Variants in SLCO6A1 observed in about 807,000 individuals in gnomAD.
The protein encoded by SLCO6A1 is cancer/testis antigen 48.
Under a neutral mutation model 72.7 loss-of-function variants are expected in SLCO6A1, and 65 were observed. The ratio of observed to expected loss-of-function variants is 0.89; its 90% CI spans 0.73 to 1.10. The LOEUF is 1.10. Among genes scored for constraint, SLCO6A1 ranks in the 50% least tolerant of loss-of-function variants. The probability of loss-of-function intolerance (pLI) is 0.00; values close to 1 mark genes in which losing one functional copy is unlikely to be tolerated. For synonymous variants in SLCO6A1, 314 were observed against 298.2 expected, an observed-to-expected ratio of 1.05 and a Z score of -0.55; for missense variants, 874 against 872.6, an observed-to-expected ratio of 1.00 and a Z score of -0.02.
chr5:102,450,771 G>C (rs1254224967), intron 6 of SLCO6A1, among the ~76,000 whole-genome samples: 3 of 152,234 alleles, frequency 2.0e-5, no homozygotes, highest in Non-Finnish European at 4.4e-5. Context: ...AAGCACCTGT[G>C]TTGCAGGCCC....
Position 102,498,590 on chromosome 5 carries a change from C to A in SLCO6A1, c.255G>T (p.Leu85Phe), listed in dbSNP as rs750888384. The A allele has an allele frequency of 6.2e-7, 1 of 1,614,146 alleles. No homozygotes were observed. The highest frequency in any genetic ancestry group is 1.7e-5 in the Admixed American group (1 of 60,010). The change falls in exon 1 of 14, where the codon TTG becomes TTT. Residue 85 changes from leucine (L) to phenylalanine (F), a missense_variant. Physicochemically the swap from Leu to Phe is conservative, Grantham distance 22. Transcript: ENST00000506729. The stretch of plus-strand genomic sequence containing the variant: ...AGCAGCCCAAACCACAGGGCTGCTC[C>A]AAACTGTCATCCACTTCTCCCGGCT... ...SKKPGEVDDS[L>F]EQPCGLGCLV...
chr5:102,491,157 C>T (rs759990805), intron 1 of SLCO6A1, among the ~76,000 whole-genome samples: 38 of 152,164 alleles, frequency 2.5e-4, no homozygotes, highest in Admixed American at 1.0e-3. Flanking sequence ...TAGCTAAATA[C>T]AGAGTGTCCA....
At chr5:102,379,146 T>C (rs1400765228) in intron 12 of SLCO6A1, among the ~76,000 whole-genome samples, 1 of 152,170 alleles carries the variant, frequency 6.6e-6, no homozygotes, top group Admixed American at 6.5e-5. Flanking sequence ...TTTTATCCAC[T>C]TTTTTGTAAG....
At chr5:102,461,403 G>T (rs1751031621) in intron 4 of SLCO6A1, among the ~76,000 whole-genome samples, 1 of 152,016 alleles carries the variant, frequency 6.6e-6, no homozygotes, top group African/African-American at 2.4e-5. Flanking sequence ...AAAATGCTTT[G>T]ATTAAAACCT....
intron 12 of SLCO6A1, among the ~76,000 whole-genome samples, chr5:102,379,773 C>CAAAA (rs10672287): frequency 0.013 from 1,799 of 140,980 alleles, 12 homozygotes; most frequent in South Asian, 0.02. Flanking sequence ...TTGTCAATTT[C>CAAAA]AAAAAAAAAA....
At chr5:102,378,468 C>T (rs902100971) in intron 12 of SLCO6A1, among the ~76,000 whole-genome samples, 1 of 152,100 alleles carries the variant, frequency 6.6e-6, no homozygotes, top group South Asian at 2.1e-4. Context: ...AACAGTGTGA[C>T]CATCACTTGA....
At chr5:102,434,957 A>G (rs765957902) in intron 7 of SLCO6A1, among the ~76,000 whole-genome samples, 2 of 152,222 alleles carry the variant, frequency 1.3e-5, no homozygotes, top group Non-Finnish European at 2.9e-5. Flanking sequence ...TCAGAATTTT[A>G]GTTCATTTTC....
chr5:102,372,071 T>A lies in SLCO6A1; in HGVS notation c.*68A>T, dbSNP rs1183808090. Reference sequence around the variant, plus strand: ...GGGCACAGAAACAAATCTTGGAGAATCTGTAAAAGAGAAACTCGTTTTCAC... The same window carrying A: ...GGGCACAGAAACAAATCTTGGAGAAACTGTAAAAGAGAAACTCGTTTTCAC... On this transcript the variant is annotated 3_prime_UTR_variant, in exon 14 of 14. Transcript: ENST00000506729. The A allele has an allele frequency of 1.3e-5, 2 of 152,032 alleles. No homozygotes were observed. The highest frequency in any genetic ancestry group is 2.9e-5 in the Non-Finnish European group (2 of 67,916). The allele number at this position is 152,032 out of a possible 1,614,324, so 9.4% of individuals were successfully genotyped here.
chr5:102,472,555 C>T (rs1011191600), intron 4 of SLCO6A1, among the ~76,000 whole-genome samples: 3 of 151,742 alleles, frequency 2.0e-5, no homozygotes, highest in Non-Finnish European at 4.4e-5. Flanking sequence ...GTACTAGTTC[C>T]CAATATATAA....
intron 12 of SLCO6A1, among the ~76,000 whole-genome samples, chr5:102,382,981 G>T (rs529199823): frequency 2.1e-4 from 30 of 143,178 alleles, no homozygotes; most frequent in East Asian, 5.9e-4. Flanking sequence ...ATATATGAGA[G>T]ATATATATAT....
chr5:102,421,592 C>T (rs1748609284), intron 7 of SLCO6A1, among the ~76,000 whole-genome samples: 1 of 152,128 alleles, frequency 6.6e-6, no homozygotes. Context: ...CTGGGCAGGG[C>T]ATCCTTGAAA....
At position 102,461,019 on chromosome 5, in the gene SLCO6A1, T is replaced by C. The variant is rs542042238; in HGVS notation, c.900-1242A>G. On this transcript the variant is annotated intron_variant, in intron 4 of 13. Coordinates refer to ENST00000506729, the MANE Select transcript of SLCO6A1 (RefSeq NM_173488.5). ...GTCACTAGGGCTGCATGTTTCCTCATTGATTATAATAGTCAGGAGTTTTTT... is the reference window on the plus strand; with the variant it reads ...GTCACTAGGGCTGCATGTTTCCTCACTGATTATAATAGTCAGGAGTTTTTT... 1.6e-4 allele frequency among the ~76,000 whole-genome samples: 23 copies of C among 145,176 alleles called. No individual in the cohort carries two copies. In the East Asian group the frequency reaches 3.3e-3, roughly 21 times the overall value.
chr5:102,472,476 T>C (rs1220051742), intron 4 of SLCO6A1, among the ~76,000 whole-genome samples: 2 of 152,094 alleles, frequency 1.3e-5, no homozygotes, highest in African/African-American at 2.4e-5. Context: ...AAGTGGTAGG[T>C]ATAGCTCCTT....
intron 4 of SLCO6A1, among the ~76,000 whole-genome samples, chr5:102,471,539 C>T (rs866070256): frequency 6.6e-6 from 1 of 152,038 alleles, no homozygotes; most frequent in Middle Eastern, 3.2e-3. Flanking sequence ...ACCCATACAG[C>T]CCAGAATTCT....
In SLCO6A1 at chr5:102,498,300, G is replaced by C. The variant is rs558768024; in HGVS notation, c.358+187C>G. Among the ~76,000 whole-genome samples, 17 of 152,312 alleles carry C rather than the reference G, an allele frequency of 1.1e-4. No homozygotes were observed. The East Asian group carries it at 3.3e-3, about 29-fold the overall frequency. On this transcript the variant is annotated intron_variant, in intron 1 of 13. Transcript: ENST00000506729. ...CTTCTCTGTCTAGGCAGCGGGCAAGGTAAACCCACTGGGTGGCTAAACTTT... is the reference window on the plus strand; with the variant it reads ...CTTCTCTGTCTAGGCAGCGGGCAAGCTAAACCCACTGGGTGGCTAAACTTT...
At chr5:102,458,114 G>T (rs559836203) in intron 6 of SLCO6A1, among the ~76,000 whole-genome samples, 1 of 152,104 alleles carries the variant, frequency 6.6e-6, no homozygotes, top group African/African-American at 2.4e-5. Context: ...GGTGGGTGGA[G>T]GGGGGAGGGA....
rs543605815 is a variant in SLCO6A1 at position 102,409,500 on chromosome 5, A to C, written c.1626+3490T>G. Among the ~76,000 whole-genome samples, 4 of 152,180 alleles carry C rather than the reference A, an allele frequency of 2.6e-5. No individual in the cohort carries two copies. In the South Asian group the frequency reaches 6.2e-4, roughly 24 times the overall value. On this transcript the variant is annotated intron_variant, in intron 9 of 13. Coordinates refer to ENST00000506729, the MANE Select transcript of SLCO6A1 (RefSeq NM_173488.5). ...ATTTTGTTAAGATTTTTTTATTGGT[A>C]TCGATCTTTTCCCATTTGAAATTGA... is the stretch of plus-strand genomic sequence containing the variant.
rs766685195 is a variant in SLCO6A1 at position 102,475,770 on chromosome 5, T to A, written c.826A>T (p.Ile276Phe). Residue 276 changes from isoleucine (I) to phenylalanine (F), a missense_variant, in exon 4 of 14, where the codon ATT (isoleucine) becomes TTT (phenylalanine). By Grantham distance (21) the Ile-to-Phe change is conservative. Coordinates refer to ENST00000506729, the MANE Select transcript of SLCO6A1 (RefSeq NM_173488.5). ...YLGIAECTSM[I>F]GYALGYVLGA... ...AGCACATAACCCAGAGCATATCCAA[T>A]CATTGATGTACATTCTGCAATACCT... The A allele has an allele frequency of 1.6e-5, 25 of 1,608,920 alleles. No homozygotes were observed. The highest frequency in any genetic ancestry group is 3.4e-5 in the Admixed American group (2 of 59,448).
chr5:102,491,029 C>A (rs1431023774), intron 1 of SLCO6A1, among the ~76,000 whole-genome samples: 1 of 152,050 alleles, frequency 6.6e-6, no homozygotes, highest in Admixed American at 6.6e-5. Context: ...TTTGGCAGGG[C>A]GCTGATTGGT....
Sources: allele counts gnomAD v4.1 joint callset (sites outside exome capture counted in the v4.1 genomes callset), GRCh38; gene constraint gnomAD v4.1.1; transcripts MANE v1.5; gene names NCBI Gene and HGNC (gene_info 2026-07-23, HGNC 2026-07-21).